Variants in SDHA observed in about 807,000 individuals in gnomAD.
SDHA encodes succinate dehydrogenase complex flavoprotein subunit A, also known as succinate dehydrogenase [ubiquinone] flavoprotein subunit, mitochondrial.
Under a neutral mutation model 78.4 loss-of-function variants are expected in SDHA, and 48 were observed. That is an observed-to-expected ratio of 0.61 (90% CI 0.49 to 0.78). The LOEUF (loss-of-function observed/expected upper bound fraction) is 0.78. SDHA is among the 30% of genes least tolerant of loss of function. SDHA has a pLI of 0.00. For synonymous variants in SDHA, 326 were observed against 353.9 expected (o/e 0.92, Z 0.88); for missense variants, 680 against 892.7 (o/e 0.76, Z 3.04).
the SDHA span, among the ~76,000 whole-genome samples, chr5:266,190 C>A: frequency 6.6e-6 from 1 of 152,256 alleles, no homozygotes; most frequent in Non-Finnish European, 1.5e-5. Flanking sequence ...TAACAGGTGG[C>A]AACCTCAGGC....
downstream of SDHA, among the ~76,000 whole-genome samples, chr5:259,185 A>C (rs370028356): frequency 2.7e-3 from 88 of 32,766 alleles, no homozygotes; most frequent in African/African-American, 0.019. Flanking sequence ...GCCTCCCGTC[A>C]GAGCATTACC....
chr5:251,216 C>G (rs1736803184), intron 12 of SDHA, 113 bp downstream of exon 12: 15 of 1,484,112 alleles, frequency 1.0e-5, no homozygotes, highest in South Asian at 8.0e-5. Flanking sequence ...TGGATGGGTC[C>G]TGGCCCACAG....
downstream of SDHA, among the ~76,000 whole-genome samples, chr5:258,524 G>C (rs1241672537): frequency 1.7e-5 from 2 of 116,612 alleles, no homozygotes; most frequent in Non-Finnish European, 3.2e-5. Context: ...CCCTGCCAGA[G>C]CATTACTGTG....
intron 10 of SDHA, among the ~76,000 whole-genome samples, chr5:238,250 G>A (rs910695982): frequency 1.3e-5 from 2 of 152,022 alleles, no homozygotes; most frequent in African/African-American, 4.8e-5. Context: ...CTTCCTGATT[G>A]TGCTGAGACT....
At chr5:264,322 G>T in the SDHA span, among the ~76,000 whole-genome samples, 7 of 152,222 alleles carry the variant, frequency 4.6e-5, no homozygotes, top group African/African-American at 1.4e-4. Context: ...GTCTTCTGCA[G>T]GTGCCAACCC....
At chr5:244,434 T>C (rs142983993) in intron 11 of SDHA, among the ~76,000 whole-genome samples, 37,367 of 146,966 alleles carry the variant, frequency 0.25, 6,766 homozygotes, top group African/African-American at 0.53. Context: ...GCCAGGAGAG[T>C]GCATAGCACA....
At position 256,755 on chromosome 5, in the gene SDHA, TC is replaced by T. The variant is rs1737227144; in HGVS notation, c.*336del. 5.9e-6 allele frequency: 2 copies of T among 338,182 alleles called. No individual in the cohort carries two copies. The highest frequency in any genetic ancestry group is 5.5e-6 in the Non-Finnish European group (1 of 181,938). 20.9% of individuals were successfully genotyped at this position (338,182 alleles called of 1,614,324 possible). Reference sequence around the variant, plus strand: ...TTAGTCATATTTGTTGACCTAAAAATCAAATGTAATCTTTGTATTGTGTTAC... The same window carrying T: ...TTAGTCATATTTGTTGACCTAAAAATAAATGTAATCTTTGTATTGTGTTAC... On this transcript the variant is annotated 3_prime_UTR_variant, in exon 15 of 15. Transcript: ENST00000264932.
At chr5:264,996 C>T in the SDHA span, among the ~76,000 whole-genome samples, 57 of 141,152 alleles carry the variant, frequency 4.0e-4, no homozygotes, top group East Asian at 1.4e-3. Flanking sequence ...TCACCTGAGG[C>T]CAGGAGTTTA....
intron 9 of SDHA, 26 bp downstream of exon 9, chr5:235,365 A>G (rs1735712917): frequency 1.2e-6 from 2 of 1,612,196 alleles, no homozygotes; most frequent in South Asian, 1.1e-5. Flanking sequence ...CCTCCCCCAC[A>G]GCTGGAAAGA....
chr5:240,441 A>G lies in SDHA; in HGVS notation c.1516A>G (p.Ile506Val), dbSNP rs1561001683. The G allele has an allele frequency of 3.7e-6, 6 of 1,611,178 alleles. No homozygotes were observed. The East Asian group carries it at 6.7e-5, about 18-fold the overall frequency. The change falls in exon 11 of 15, where the codon ATA becomes GTA. Residue 506 changes from isoleucine (I) to valine (V), a missense_variant. Transcript: ENST00000264932. The stretch of plus-strand genomic sequence containing the variant: ...CAAATTGAGATTTGCTGATGGAAGC[A>G]TAAGAACATCGGAACTGCGACTCAG... ...LDKLRFADGS[I>V]RTSELRLSMQ...
chr5:225,695 C>A, intron 4 of SDHA, 133 bp downstream of exon 4: 2 of 1,405,116 alleles, frequency 1.4e-6, no homozygotes, highest in Non-Finnish European at 1.0e-6. Flanking sequence ...CAAGAAGAGT[C>A]TTTTTCCGTT....
At chr5:264,159 G>T in the SDHA span, among the ~76,000 whole-genome samples, 21 of 152,204 alleles carry the variant, frequency 1.4e-4, no homozygotes, top group African/African-American at 4.8e-4. Flanking sequence ...GAGGACAGGG[G>T]TCAATGGTGG....
chr5:248,393 C>T lies in SDHA; in HGVS notation c.1552-2599C>T, dbSNP rs9716341. Among the ~76,000 whole-genome samples the T allele has an allele frequency of 2.0e-5, 3 of 152,214 alleles. No homozygotes were observed. In the East Asian group the frequency reaches 5.8e-4, roughly 29 times the overall value. ...GAAAACCTGAGGAAAGCGGGACAACCAGTCACAATGAGTAATTTAATGGTA... is the reference window on the plus strand; with the variant it reads ...GAAAACCTGAGGAAAGCGGGACAACTAGTCACAATGAGTAATTTAATGGTA... On this transcript the variant is annotated intron_variant, in intron 11 of 14. Coordinates refer to ENST00000264932, the MANE Select transcript of SDHA (RefSeq NM_004168.4).
intron 6 of SDHA, 111 bp from the exon 7 acceptor site, chr5:230,765 C>T (rs564333107): frequency 1.5e-5 from 22 of 1,444,222 alleles, no homozygotes; most frequent in Middle Eastern, 1.8e-4. Context: ...TGTGTGTGCA[C>T]AGCACTGAGA....
chr5:232,934 G>T (rs2126575219), intron 7 of SDHA, among the ~76,000 whole-genome samples: 1 of 152,226 alleles, frequency 6.6e-6, no homozygotes, highest in South Asian at 2.1e-4. Flanking sequence ...GTGTTAATTT[G>T]CTTGTCACTG....
rs771169259 is a variant in SDHA at position 224,537 on chromosome 5, C to T, written c.312+16C>T. The T allele has an allele frequency of 2.5e-6, 4 of 1,611,184 alleles. No homozygotes were observed. Among genetic ancestry groups the T allele is most frequent in the African/African-American group, 1.3e-5 (1 of 74,608 alleles). ...TGCAGCACAGGTAAGAGAAAGGTGC[C>T]CCACTGTGCTCCCACTCCGTGCAGG... On this transcript the variant is annotated intron_variant, in intron 3 of 14. Transcript: ENST00000264932.
chr5:262,235 C>G, the SDHA span, among the ~76,000 whole-genome samples: 3 of 35,902 alleles, frequency 8.4e-5, no homozygotes, highest in East Asian at 1.2e-3. Flanking sequence ...AGAGCATTAC[C>G]GTGTGAGCTC....
chr5:258,776 G>A (rs1206963479), downstream of SDHA, among the ~76,000 whole-genome samples: 1 of 100,458 alleles, frequency 1.0e-5, no homozygotes, highest in Non-Finnish European at 1.8e-5. Context: ...CCCCGCCACA[G>A]CATTACCGTG....
At position 230,872 on chromosome 5, in the gene SDHA, C is replaced by G. The variant is rs1360537551; in HGVS notation, c.771-4C>G. 6.2e-6 allele frequency: 10 copies of G among 1,613,360 alleles called. No individual in the cohort carries two copies. The highest frequency in any genetic ancestry group is 1.6e-4 in the Middle Eastern group (1 of 6,062). On this transcript the variant is annotated splice_polypyrimidine_tract_variant and splice_region_variant and intron_variant, in intron 6 of 14. Coordinates refer to ENST00000264932, the MANE Select transcript of SDHA (RefSeq NM_004168.4). Reference sequence around the variant, plus strand: ...GTGCAGTCACTGCTCTCTATTGTTTCCAGAGGCTACGGGCGCACCTACTTC... The same window carrying G: ...GTGCAGTCACTGCTCTCTATTGTTTGCAGAGGCTACGGGCGCACCTACTTC...
Sources: gnomAD v4.1 joint callset for allele counts (sites outside exome capture counted in the v4.1 genomes callset) on GRCh38, gnomAD v4.1.1 for gene constraint, MANE v1.5 for transcripts, NCBI Gene and HGNC (gene_info 2026-07-23, HGNC 2026-07-21) for gene names.